Variants in MACROD2 observed in about 807,000 individuals in gnomAD.
MACROD2 encodes ADP-ribose glycohydrolase MACROD2.
In MACROD2, 36 loss-of-function variants were observed where a neutral mutation model predicts 70.4. That is an observed-to-expected ratio of 0.51 (90% CI 0.39 to 0.68). The LOEUF is 0.68. MACROD2 is among the 30% of genes least tolerant of loss of function. The pLI is 0.00. For synonymous variants in MACROD2, 172 were observed against 178.8 expected (o/e 0.96, Z 0.30); for missense variants, 496 against 538.4 (o/e 0.92, Z 0.78).
intron 8 of MACROD2, among the ~76,000 whole-genome samples, chr20:15,798,353 A>G (rs2063694014): frequency 6.6e-6 from 1 of 152,134 alleles, no homozygotes; most frequent in Non-Finnish European, 1.5e-5. Context: ...TAGGATGGCT[A>G]GGATACCCGC....
At chr20:15,587,936 C>T (rs1323357536) in intron 8 of MACROD2, among the ~76,000 whole-genome samples, 2 of 152,142 alleles carry the variant, frequency 1.3e-5, no homozygotes, top group Non-Finnish European at 2.9e-5. Flanking sequence ...GGATGGTGGC[C>T]CTCTTGTCAA....
intron 3 of MACROD2, among the ~76,000 whole-genome samples, chr20:14,165,200 T>C (rs2055250114): frequency 6.6e-6 from 1 of 152,154 alleles, no homozygotes; most frequent in Non-Finnish European, 1.5e-5. Flanking sequence ...TCTGGAGCAA[T>C]ACTATTGCAC....
chr20:15,402,411 C>T (rs1028908987), intron 6 of MACROD2, among the ~76,000 whole-genome samples: 3 of 152,174 alleles, frequency 2.0e-5, no homozygotes, highest in Non-Finnish European at 4.4e-5. Flanking sequence ...TAATTGAGAA[C>T]TATAAATATT....
At chr20:15,967,698 A>C (rs990839351) in intron 13 of MACROD2, 68 bp downstream of exon 13, 101 of 1,361,854 alleles carry the variant, frequency 7.4e-5, no homozygotes, top group African/African-American at 5.2e-4. Flanking sequence ...AAAAAAAAAA[A>C]AAACCCACAG....
intron 3 of MACROD2, among the ~76,000 whole-genome samples, chr20:14,109,065 T>C (rs2054411309): frequency 6.6e-6 from 1 of 152,050 alleles, no homozygotes; most frequent in African/African-American, 2.4e-5. Context: ...ATATCAAGCA[T>C]CTTCTCTGAA....
At chr20:14,672,214 G>T (rs1478324174) in intron 4 of MACROD2, among the ~76,000 whole-genome samples, 1 of 152,238 alleles carries the variant, frequency 6.6e-6, no homozygotes, top group East Asian at 1.9e-4. Context: ...TGTCTGGTCA[G>T]TTGCCAGGAA....
At chr20:15,352,318 AT>A (rs1290798867) in intron 6 of MACROD2, among the ~76,000 whole-genome samples, 2 of 152,126 alleles carry the variant, frequency 1.3e-5, no homozygotes, top group Non-Finnish European at 2.9e-5. Flanking sequence ...GGGTTTTCTC[AT>A]TTCTTGTAAT....
intron 5 of MACROD2, among the ~76,000 whole-genome samples, chr20:14,807,014 CT>C (rs2072647490): frequency 1.3e-5 from 2 of 152,138 alleles, no homozygotes; most frequent in Non-Finnish European, 2.9e-5. Context: ...GTAGGCACAG[CT>C]TTAGCAGACT....
chr20:15,663,488 G>A (rs368556087), intron 8 of MACROD2, among the ~76,000 whole-genome samples: 1 of 151,824 alleles, frequency 6.6e-6, no homozygotes, highest in South Asian at 2.1e-4. Flanking sequence ...TGCCCACCTC[G>A]GCCTCCCAAA....
At chr20:14,527,096 G>C (rs1052087652) in intron 4 of MACROD2, among the ~76,000 whole-genome samples, 2 of 152,196 alleles carry the variant, frequency 1.3e-5, no homozygotes, top group Admixed American at 1.3e-4. Context: ...TGGCGGACTG[G>C]GCTCTCCTCC....
intron 5 of MACROD2, among the ~76,000 whole-genome samples, chr20:14,860,844 A>C (rs1357288000): frequency 2.0e-5 from 3 of 152,030 alleles, no homozygotes; most frequent in African/African-American, 2.4e-5. Context: ...ACTCTCCAAA[A>C]TAAATTCAAC....
At chr20:14,764,320 T>C (rs2072056453) in intron 5 of MACROD2, among the ~76,000 whole-genome samples, 1 of 152,006 alleles carries the variant, frequency 6.6e-6, no homozygotes, top group Admixed American at 6.6e-5. Context: ...TCCCAGCGGG[T>C]CCCACTTTTT....
intron 3 of MACROD2, among the ~76,000 whole-genome samples, chr20:14,416,421 T>C (rs1284937435): frequency 6.6e-6 from 1 of 152,214 alleles, no homozygotes; most frequent in Non-Finnish European, 1.5e-5. Flanking sequence ...ATCTTAATAA[T>C]ATATAACAAA....
intron 7 of MACROD2, among the ~76,000 whole-genome samples, chr20:15,466,492 T>A (rs879490788): frequency 2.6e-5 from 4 of 152,166 alleles, no homozygotes; most frequent in Non-Finnish European, 5.9e-5. Context: ...ATGAACTGGA[T>A]CAGAATCTAA....
At chr20:15,702,415 T>C (rs1203515205) in intron 8 of MACROD2, among the ~76,000 whole-genome samples, 1 of 152,188 alleles carries the variant, frequency 6.6e-6, no homozygotes, top group African/African-American at 2.4e-5. Flanking sequence ...CTCTGACGTT[T>C]AGTGATGATG....
At chr20:15,487,159 G>T (rs147400631) in intron 7 of MACROD2, among the ~76,000 whole-genome samples, 3,421 of 152,284 alleles carry the variant, frequency 0.022, 68 homozygotes, top group South Asian at 0.073. Flanking sequence ...CATTGATGGG[G>T]CAGGGAAATA....
intron 5 of MACROD2, among the ~76,000 whole-genome samples, chr20:15,101,013 A>G (rs1295544442): frequency 6.6e-6 from 1 of 152,052 alleles, no homozygotes; most frequent in Non-Finnish European, 1.5e-5. Flanking sequence ...CAGGTTTTTC[A>G]TTTCCCTTTA....
At chr20:15,284,330 T>G (rs1209011353) in intron 6 of MACROD2, among the ~76,000 whole-genome samples, 1 of 152,206 alleles carries the variant, frequency 6.6e-6, no homozygotes, top group Admixed American at 6.5e-5. Context: ...CCATTTAGAG[T>G]CAGCTCATTG....
chr20:14,467,095 T>C lies in MACROD2; in HGVS notation c.272-26384T>C, dbSNP rs1188344942. Among the ~76,000 whole-genome samples, 3 of 152,172 alleles carry C rather than the reference T, an allele frequency of 2.0e-5. 1 individual carries two copies. Among genetic ancestry groups the C allele is most frequent in the African/African-American group, 7.2e-5 (3 of 41,426 alleles). On this transcript the variant is annotated intron_variant, in intron 3 of 17. Coordinates refer to ENST00000684519, the MANE Select transcript of MACROD2 (RefSeq NM_001351661.2). Reference sequence around the variant, plus strand: ...GGGACATTTAAGTCTGCAGAGGTTATTGCTATCTTTTGTTTGTCTGTGCCC... The same window carrying C: ...GGGACATTTAAGTCTGCAGAGGTTACTGCTATCTTTTGTTTGTCTGTGCCC...
Sources: allele counts gnomAD v4.1 joint callset (sites outside exome capture counted in the v4.1 genomes callset), GRCh38; gene constraint gnomAD v4.1.1; transcripts MANE v1.5; gene names NCBI Gene and HGNC (gene_info 2026-07-23, HGNC 2026-07-21).